Variants in USP9X observed in about 807,000 individuals in gnomAD.
USP9X encodes ubiquitin carboxyl-terminal hydrolase 9X.
In USP9X, 7 loss-of-function variants were observed where a neutral mutation model predicts 190.3. The observed-to-expected ratio is 0.04, with a 90% CI of 0.02 to 0.07. The LOEUF (loss-of-function observed/expected upper bound fraction) is 0.07, where lower values mean the gene tolerates loss of function less well. Ranked by LOEUF, USP9X falls within the 10% of genes least tolerant of loss-of-function variation. USP9X has a pLI of 1.00. For missense variants in USP9X, 1,010 were observed against 1,916.9 expected, an observed-to-expected ratio of 0.53 and a Z score of 8.83; for synonymous variants, 645 against 659.5, an observed-to-expected ratio of 0.98 and a Z score of 0.34.
chrX:41,212,964 A>G (rs1330280289), intron 33 of USP9X, among the ~76,000 whole-genome samples: 1 of 112,105 alleles, frequency 8.9e-6, no homozygotes, highest in Non-Finnish European at 1.9e-5. Flanking sequence ...CTTGTTTTTA[A>G]TTAGTGATAA....
At chrX:41,204,881 AG>A (rs1346109570) in intron 31 of USP9X, among the ~76,000 whole-genome samples, 3 of 112,017 alleles carry the variant, frequency 2.7e-5, no homozygotes, top group Admixed American at 9.5e-5. Flanking sequence ...ATACTGATAT[AG>A]GTATATTTTA....
In USP9X at chrX:41,232,621, T is replaced by C; in HGVS notation, c.*97T>C. 1 of 1,059,536 alleles carries C rather than the reference T, an allele frequency of 9.4e-7. No individual in the cohort carries two copies. Among genetic ancestry groups the C allele is most frequent in the Admixed American group, 2.9e-5 (1 of 34,064 alleles). The allele number at this position is 1,059,536 out of a possible 1,213,427, so 87.3% of individuals were successfully genotyped here. A position where few individuals can be genotyped will look rare whatever the true frequency, so the allele number is the denominator to read the frequency against. ...GGCTAATATTTAAAACTAGAAAAAC[T>C]ATTCCTAATCAACATGGAGTGGAGA... On this transcript the variant is annotated 3_prime_UTR_variant, in exon 45 of 45. Coordinates refer to ENST00000378308, the MANE Select transcript of USP9X (RefSeq NM_001039591.3).
intron 6 of USP9X, among the ~76,000 whole-genome samples, chrX:41,139,733 G>A (rs767609386): frequency 1.8e-5 from 2 of 111,633 alleles, no homozygotes; most frequent in Admixed American, 9.5e-5. Flanking sequence ...TGAACATACA[G>A]CCATTTAGCA....
At chrX:41,116,270 T>C (rs1211040055) in intron 1 of USP9X, among the ~76,000 whole-genome samples, 2 of 112,664 alleles carry the variant, frequency 1.8e-5, no homozygotes, top group East Asian at 5.5e-4. Context: ...TTTCACACTG[T>C]GATTCATTGT....
At chrX:41,152,298 A>G (rs943696012) in intron 13 of USP9X, among the ~76,000 whole-genome samples, 2 of 112,205 alleles carry the variant, frequency 1.8e-5, no homozygotes, top group Non-Finnish European at 3.8e-5. Flanking sequence ...TCTCAAATGA[A>G]TGCATTTATC....
rs748110788 is a variant in USP9X, at chrX:41,206,803, G to A, written c.5015+1310G>A. On this transcript the variant is annotated intron_variant, in intron 32 of 44. Coordinates refer to ENST00000378308, the MANE Select transcript of USP9X (RefSeq NM_001039591.3). The stretch of plus-strand genomic sequence containing the variant: ...ATTTTTTTTTTTCCCCTGAGATGGA[G>A]TCTTTGCTCTGTCGCCCAGGCTAGA... 1.3e-3 allele frequency among the ~76,000 whole-genome samples: 136 copies of A among 108,113 alleles called. 1 individual carries two copies. Among genetic ancestry groups the A allele is most frequent in the Middle Eastern group, 9.6e-3 (2 of 208 alleles). The allele number at this position is 108,113 out of a possible 115,157, so 93.9% of individuals were successfully genotyped here.
intron 26 of USP9X, among the ~76,000 whole-genome samples, chrX:41,193,521 G>A (rs190087333): frequency 9.1e-6 from 1 of 110,481 alleles, no homozygotes; most frequent in African/African-American, 3.3e-5. Flanking sequence ...AAAATAAGCC[G>A]GGTATGGTGA....
chrX:41,142,630 A>G (rs1320094008), intron 9 of USP9X, among the ~76,000 whole-genome samples: 1 of 111,991 alleles, frequency 8.9e-6, no homozygotes, highest in Non-Finnish European at 1.9e-5. Flanking sequence ...ATACTGCAAA[A>G]TCATATAGTG....
chrX:41,205,875 CTTTTTCTTTTTCTTTTTTTCT>C (rs1284212281), intron 32 of USP9X, among the ~76,000 whole-genome samples: 3 of 87,029 alleles, frequency 3.4e-5, no homozygotes, highest in South Asian at 5.1e-4. Context: ...TTCTTTTTTT[CTTTTTCTTTTTCTTTTTTTCT>C]TTTTTTTTTT....
intron 38 of USP9X, among the ~76,000 whole-genome samples, chrX:41,219,691 A>C (rs1373128155): frequency 8.9e-6 from 1 of 112,152 alleles, no homozygotes; most frequent in Non-Finnish European, 1.9e-5. Flanking sequence ...TACTCGCTTA[A>C]AATATTAATT....
At chrX:41,125,718 TCGCGCACGCGCGCG>T (rs1422419744) in intron 2 of USP9X, among the ~76,000 whole-genome samples, 4 of 99,173 alleles carry the variant, frequency 4.0e-5, no homozygotes, top group African/African-American at 1.2e-4. Context: ...TCTCTCTCTC[TCGCGCACGCGCGCG>T]CGCTCTCTCT....
intron 18 of USP9X, among the ~76,000 whole-genome samples, chrX:41,169,749 C>G (rs1232483673): frequency 8.9e-6 from 1 of 112,072 alleles, no homozygotes; most frequent in African/African-American, 3.2e-5. Flanking sequence ...AGGCACCATG[C>G]CTGGCCTTAT....
chrX:41,131,535 G>C lies in USP9X; in HGVS notation c.321G>C (p.Lys107Asn). 8.3e-7 allele frequency: 1 copy of C among 1,199,635 alleles called. No homozygotes were observed. The highest frequency in any genetic ancestry group is 1.7e-5 in the African/African-American group (1 of 57,369). ...LLEAAIDLSK[K>N]GLDVKSEACQ... ...AAGCTGCTATTGATCTTAGTAAAAAGGGTAAGTTATATGTTTTTATGCTTC... is the reference window on the plus strand; with the variant it reads ...AAGCTGCTATTGATCTTAGTAAAAACGGTAAGTTATATGTTTTTATGCTTC... Residue 107 changes from lysine (K) to asparagine (N), a missense_variant and splice_region_variant, in exon 4 of 45, where the codon AAG (lysine) becomes AAC (asparagine). Coordinates refer to ENST00000378308, the MANE Select transcript of USP9X (RefSeq NM_001039591.3).
chrX:41,184,303 A>G, intron 22 of USP9X, 94 bp from the exon 23 acceptor site: 1 of 1,046,244 alleles, frequency 9.6e-7, no homozygotes, highest in South Asian at 2.3e-5. Flanking sequence ...GAGATGGTCA[A>G]GAGTTTCTTG....
In USP9X at chrX:41,216,122, A is replaced by C. The variant is rs1191496258; in HGVS notation, c.5555A>C (p.Gln1852Pro). ...AGTCAGTTGATACAACAGAGTGAGC[A>C]GTCTGAAAGTGAGACAGCAGGAAGC... is the stretch of plus-strand genomic sequence containing the variant. ...PESQLIQQSEQSESETAGSTK... is the reference protein window; with the variant it reads ...PESQLIQQSEPSESETAGSTK... The change falls in exon 35 of 45, where the codon CAG becomes CCG. Residue 1852 changes from glutamine (Q) to proline (P), a missense_variant. Physicochemically the swap from Gln to Pro is moderately conservative, Grantham distance 76. This residue lies in a region of USP9X where 120 missense variants were observed against 342.7 expected (regional missense o/e 0.35). Transcript: ENST00000378308. 3 of 1,209,924 alleles carry C rather than the reference A, an allele frequency of 2.5e-6. No individual in the cohort carries two copies. In the African/African-American group the frequency reaches 5.3e-5, roughly 21 times the overall value.
At chrX:41,135,805 A>G (rs2062368019) in intron 5 of USP9X, among the ~76,000 whole-genome samples, 1 of 109,926 alleles carries the variant, frequency 9.1e-6, no homozygotes, top group Non-Finnish European at 1.9e-5. Flanking sequence ...TAATTTTTGT[A>G]TTTTTAGGAG....
intron 10 of USP9X, 139 bp from the exon 11 acceptor site, chrX:41,144,383 T>C: frequency 2.0e-6 from 1 of 501,831 alleles, no homozygotes; most frequent in African/African-American, 2.4e-5. Context: ...CTGTGCGGGC[T>C]GTGTTAGGAA....
chrX:41,141,054 G>C lies in USP9X; in HGVS notation c.859G>C (p.Glu287Gln), dbSNP rs1197615947. The change falls in exon 8 of 45, where the codon GAA becomes CAA. Residue 287 changes from glutamate to glutamine, a missense_variant. Glu to Gln is a conservative substitution (Grantham distance 29). Coordinates refer to ENST00000378308, the MANE Select transcript of USP9X (RefSeq NM_001039591.3). ...PIIEMVPQFL[E>Q]NLTDEELKKE... ...AATAGAAATGGTTCCACAGTTTTTA[G>C]AAAACTTAACTGATGAAGAACTGAA... 1 of 1,206,745 alleles carries C rather than the reference G, an allele frequency of 8.3e-7. No individual in the cohort carries two copies. Among genetic ancestry groups the C allele is most frequent in the East Asian group, 3.0e-5 (1 of 33,683 alleles).
chrX:41,184,399 A>C lies in USP9X; in HGVS notation c.3282A>C (p.Val1094=), dbSNP rs1434106157. ...SASQVLYLTE[V]VYALLMPAGA... is the part of the protein sequence containing the mutation. ...CCCCCTCTTCTCTATTTTTCCAGGT[A>C]GTCTATGCCTTGTTAATGCCTGCTG... Residue 1094 remains valine (V), a splice_region_variant and synonymous_variant, in exon 23 of 45, where the codon GTA becomes GTC. Transcript: ENST00000378308. The C allele has an allele frequency of 9.9e-6, 12 of 1,206,314 alleles. No homozygotes were observed. The highest frequency in any genetic ancestry group is 1.2e-5 in the Non-Finnish European group (11 of 892,848).
Sources: gnomAD v4.1 joint callset for allele counts (sites outside exome capture counted in the v4.1 genomes callset) on GRCh38, gnomAD v4.1.1 for gene constraint, gnomAD v4.1.1 regional missense constraint, MANE v1.5 for transcripts, NCBI Gene and HGNC (gene_info 2026-07-23, HGNC 2026-07-21) for gene names.